Variants in PTPRN2 observed in about 807,000 individuals in gnomAD.
The protein encoded by PTPRN2 is receptor-type tyrosine-protein phosphatase N2.
Under a neutral mutation model 118.8 loss-of-function variants are expected in PTPRN2, and 74 were observed. That is an observed-to-expected ratio of 0.62 (90% confidence interval 0.52 to 0.76). PTPRN2 has a LOEUF of 0.76. Among genes scored for constraint, PTPRN2 ranks in the 30% least tolerant of loss-of-function variants. PTPRN2 has a pLI of 0.00. For synonymous variants in PTPRN2, 641 were observed against 608.0 expected (o/e 1.05, Z -0.80); for missense variants, 1,481 against 1,394.4 (o/e 1.06, Z -0.99).
chr7:158,534,631 A>G (rs1479808663), intron 1 of PTPRN2, among the ~76,000 whole-genome samples: 1 of 152,076 alleles, frequency 6.6e-6, no homozygotes, highest in African/African-American at 2.4e-5. Flanking sequence ...CAGCTTGTCC[A>G]CCACAGTCCC....
At chr7:158,424,145 G>A (rs1193745919) in intron 2 of PTPRN2, among the ~76,000 whole-genome samples, 1 of 152,164 alleles carries the variant, frequency 6.6e-6, no homozygotes, top group African/African-American at 2.4e-5. Context: ...GCGCAGGAGT[G>A]CTCTGTGACG....
At chr7:157,666,676 G>C (rs79933123) in intron 13 of PTPRN2, among the ~76,000 whole-genome samples, 1 of 152,196 alleles carries the variant, frequency 6.6e-6, no homozygotes, top group East Asian at 1.9e-4. Flanking sequence ...CAAAAGCTGC[G>C]TGTGTGTTTT....
chr7:157,824,931 C>A (rs1267742117), intron 12 of PTPRN2, among the ~76,000 whole-genome samples: 1 of 152,146 alleles, frequency 6.6e-6, no homozygotes, highest in Non-Finnish European at 1.5e-5. Context: ...CACCCAGGGC[C>A]CACATTAGGG....
chr7:158,061,698 G>A (rs1482479853), intron 11 of PTPRN2, among the ~76,000 whole-genome samples: 3 of 152,216 alleles, frequency 2.0e-5, no homozygotes, highest in African/African-American at 7.2e-5. Flanking sequence ...TGCAATGGGG[G>A]TGTCCTTCAT....
At chr7:158,244,541 C>T (rs1796075518) in intron 3 of PTPRN2, among the ~76,000 whole-genome samples, 1 of 72,008 alleles carries the variant, frequency 1.4e-5, no homozygotes, top group Admixed American at 1.6e-4. Flanking sequence ...TGTGAATGAG[C>T]ATGTTTTTTG....
chr7:157,599,079 G>A (rs1258954606), intron 16 of PTPRN2, among the ~76,000 whole-genome samples: 1 of 150,274 alleles, frequency 6.7e-6, no homozygotes, highest in Non-Finnish European at 1.5e-5. Context: ...GTGCAATCTT[G>A]GCTCACTGCA....
intron 2 of PTPRN2, among the ~76,000 whole-genome samples, chr7:158,423,706 T>C (rs1815457888): frequency 6.6e-6 from 1 of 151,572 alleles, no homozygotes; most frequent in Non-Finnish European, 1.5e-5. Context: ...AGACGGGGTT[T>C]CACCACGTTA....
chr7:157,805,202 C>A (rs973042146), intron 12 of PTPRN2, among the ~76,000 whole-genome samples: 6 of 152,188 alleles, frequency 3.9e-5, no homozygotes, highest in Admixed American at 3.9e-4. Flanking sequence ...TCCTCTCCCC[C>A]ACAGTGCTTC....
At chr7:157,678,220 T>C (rs7807910) in intron 13 of PTPRN2, among the ~76,000 whole-genome samples, 19,145 of 152,208 alleles carry the variant, frequency 0.13, 1,349 homozygotes, top group African/African-American at 0.17. Flanking sequence ...GCAAAAAATA[T>C]ATTATTTTGA....
At chr7:157,728,340 C>T (rs978990459) in intron 12 of PTPRN2, among the ~76,000 whole-genome samples, 8 of 152,332 alleles carry the variant, frequency 5.3e-5, no homozygotes, top group South Asian at 2.1e-4. Flanking sequence ...GGGAAGAAGG[C>T]GCGTGAAGAT....
rs143899134 is a variant in PTPRN2 at position 158,168,026 on chromosome 7, T to C, written c.550-735A>G. On this transcript the variant is annotated intron_variant, in intron 5 of 22. Coordinates refer to ENST00000389418, the MANE Select transcript of PTPRN2 (RefSeq NM_002847.5). ...ATTCTCTTGGGTTTATTCGAGGATATTACATGGTAACTCGACATTTAACTG... is the reference window on the plus strand; with the variant it reads ...ATTCTCTTGGGTTTATTCGAGGATACTACATGGTAACTCGACATTTAACTG... 3.5e-3 allele frequency among the ~76,000 whole-genome samples: 529 copies of C among 152,348 alleles called. 2 individuals carry two copies. Among genetic ancestry groups the C allele is most frequent in the African/African-American group, 0.012 (506 of 41,586 alleles).
intron 2 of PTPRN2, among the ~76,000 whole-genome samples, chr7:158,323,010 C>A (rs911051427): frequency 6.6e-6 from 1 of 152,252 alleles, no homozygotes; most frequent in Non-Finnish European, 1.5e-5. Flanking sequence ...CCTCTGCCGG[C>A]AGCAGCAACC....
At chr7:157,805,100 G>A (rs984584816) in intron 12 of PTPRN2, among the ~76,000 whole-genome samples, 3 of 152,188 alleles carry the variant, frequency 2.0e-5, no homozygotes, top group African/African-American at 7.2e-5. Flanking sequence ...GATAATAGCT[G>A]TACTGGTGCT....
intron 1 of PTPRN2, among the ~76,000 whole-genome samples, chr7:158,583,791 A>G (rs1364241709): frequency 2.0e-5 from 3 of 152,186 alleles, no homozygotes; most frequent in Non-Finnish European, 4.4e-5. Context: ...GACAGGGAAC[A>G]ACAGGCAGAG....
At chr7:158,070,963 TGC>T (rs1811346957) in intron 11 of PTPRN2, among the ~76,000 whole-genome samples, 6 of 104,040 alleles carry the variant, frequency 5.8e-5, no homozygotes, top group African/African-American at 1.8e-4. Flanking sequence ...GTGGTGGAGG[TGC>T]TCACGGTGGA....
In PTPRN2 at chr7:157,845,498, C is replaced by T. The variant is rs1437339644; in HGVS notation, c.1788+53175G>A. 6.6e-6 allele frequency among the ~76,000 whole-genome samples: 1 copy of T among 152,020 alleles called. No individual in the cohort carries two copies. Among genetic ancestry groups the T allele is most frequent in the Non-Finnish European group, 1.5e-5 (1 of 67,996 alleles). On this transcript the variant is annotated intron_variant, in intron 12 of 22. Transcript: ENST00000389418. This position sits in a 1 kb window ranked among gnomAD's most constrained non-coding sequence, Gnocchi z 4.5. ...TGTTCCCGACCACACCCTGGTGAAC[C>T]ACGCAGCCTAACTCAGCATGTTCCC...
intron 11 of PTPRN2, among the ~76,000 whole-genome samples, chr7:157,947,789 G>C (rs1800577486): frequency 6.6e-6 from 1 of 152,194 alleles, no homozygotes; most frequent in Non-Finnish European, 1.5e-5. Context: ...GCCAAAGACA[G>C]AAATTTGAAA....
chr7:157,776,452 C>T (rs1284010896), intron 12 of PTPRN2, among the ~76,000 whole-genome samples: 1 of 119,858 alleles, frequency 8.3e-6, no homozygotes, highest in South Asian at 3.3e-4. Flanking sequence ...TCCTCACTCT[C>T]CTCCTCCTCC....
chr7:157,589,565 T>G (rs1800869562), intron 17 of PTPRN2, among the ~76,000 whole-genome samples: 1 of 152,134 alleles, frequency 6.6e-6, no homozygotes, highest in Non-Finnish European at 1.5e-5. Context: ...ATATTCAGCC[T>G]CCTCCCTAAG....
Sources: gnomAD v4.1 joint callset for allele counts (sites outside exome capture counted in the v4.1 genomes callset) on GRCh38, gnomAD v4.1.1 for gene constraint, Gnocchi (gnomAD v3.1) non-coding constraint, MANE v1.5 for transcripts, NCBI Gene and HGNC (gene_info 2026-07-23, HGNC 2026-07-21) for gene names.